TMPRSS15: variants seen among roughly 807,000 people sequenced by gnomAD.
TMPRSS15 encodes the protein transmembrane serine protease 15, also known as enteropeptidase.
TMPRSS15 carries 128 observed loss-of-function variants against 125.3 expected under a neutral mutation model. The ratio of observed to expected loss-of-function variants is 1.02; its 90% confidence interval spans 0.89 to 1.18. The LOEUF (loss-of-function observed/expected upper bound fraction) is 1.18. Among genes scored for constraint, TMPRSS15 ranks in the 50% most tolerant of loss-of-function variants. TMPRSS15 has a pLI of 0.00. For missense variants in TMPRSS15, 1,283 were observed against 1,212.7 expected (o/e 1.06, Z -0.86); for synonymous variants, 446 against 423.2 (o/e 1.05, Z -0.66).
intron 21 of TMPRSS15, among the ~76,000 whole-genome samples, chr21:18,287,685 T>C (rs975251434): frequency 6.6e-6 from 1 of 152,184 alleles, no homozygotes; most frequent in African/African-American, 2.4e-5. Flanking sequence ...GATTGCACGA[T>C]ATAGGTCAAG....
chr21:18,355,890 A>G (rs1215333279), intron 8 of TMPRSS15, among the ~76,000 whole-genome samples: 1 of 151,838 alleles, frequency 6.6e-6, no homozygotes, highest in East Asian at 1.9e-4. Flanking sequence ...TTTAATCAAT[A>G]TTTGAGGGCA....
chr21:18,445,330 A>G (rs188819860), intron 1 of TMPRSS15, among the ~76,000 whole-genome samples: 367 of 151,544 alleles, frequency 2.4e-3, no homozygotes, highest in African/African-American at 8.6e-3. Flanking sequence ...ACAGTCATGC[A>G]CCACCACTCC....
At chr21:18,461,305 T>C (rs2122952491) in intron 1 of TMPRSS15, among the ~76,000 whole-genome samples, 2 of 152,284 alleles carry the variant, frequency 1.3e-5, no homozygotes, top group South Asian at 4.1e-4. Flanking sequence ...AAACCCTTAA[T>C]TTTAGTCACT....
intron 23 of TMPRSS15, among the ~76,000 whole-genome samples, chr21:18,277,127 C>G (rs562063508): frequency 2.0e-5 from 3 of 152,078 alleles, no homozygotes; most frequent in African/African-American, 7.2e-5. Context: ...TCATAAACTA[C>G]GTGAAACTTA....
chr21:18,474,930 G>C (rs1978849544), intron 1 of TMPRSS15, among the ~76,000 whole-genome samples: 1 of 152,110 alleles, frequency 6.6e-6, no homozygotes, highest in Admixed American at 6.6e-5. Context: ...GAATTTATCA[G>C]CCTCCCCACA....
At chr21:18,337,494 G>T (rs1462312040) in intron 13 of TMPRSS15, among the ~76,000 whole-genome samples, 1 of 152,128 alleles carries the variant, frequency 6.6e-6, no homozygotes, top group Admixed American at 6.5e-5. Flanking sequence ...CTCTTAAAGT[G>T]TACTCAGCGC....
rs2075445118 is a variant in TMPRSS15 at position 18,341,470 on chromosome 21, T to G, written c.1507A>C (p.Asn503His). Residue 503 changes from asparagine to histidine, a missense_variant, in exon 13 of 25, where the codon AAT becomes CAT. Transcript: ENST00000284885. ...DDISLTYGICNGSLYPEPTLV... is the reference protein window; with the variant it reads ...DDISLTYGICHGSLYPEPTLV... ...GTTGGTTCTGGATAAAGACTCCCAT[T>G]GCAAATCCCATATGTTAGGCTAATG... 6.2e-7 allele frequency: 1 copy of G among 1,614,040 alleles called. No homozygotes were observed. Among genetic ancestry groups the G allele is most frequent in the African/African-American group, 1.3e-5 (1 of 74,910 alleles).
At chr21:18,295,193 A>C (rs868848492) in intron 19 of TMPRSS15, among the ~76,000 whole-genome samples, 1 of 152,236 alleles carries the variant, frequency 6.6e-6, no homozygotes, top group Non-Finnish European at 1.5e-5. Flanking sequence ...CAAGGAAGGC[A>C]GACACGTAAG....
At chr21:18,436,119 GTC>G (rs1322396869) in intron 1 of TMPRSS15, among the ~76,000 whole-genome samples, 1 of 151,212 alleles carries the variant, frequency 6.6e-6, no homozygotes, top group East Asian at 1.9e-4. Flanking sequence ...GGTTTTTTGT[GTC>G]TCTATTTCCT....
chr21:18,332,158 G>C lies in TMPRSS15; in HGVS notation c.1580C>G (p.Pro527Arg), dbSNP rs776466028. 1.3e-5 allele frequency: 21 copies of C among 1,613,952 alleles called. No homozygotes were observed. Among genetic ancestry groups the C allele is most frequent in the Non-Finnish European group, 1.5e-5 (18 of 1,179,936 alleles). ...TGTATTTGGCTCCCACAGCTCAAAA[G>C]GTCCTCCACAGTCCGCTGAAAAGGA... is the stretch of plus-strand genomic sequence containing the variant. ...PPELPTDCGGPFELWEPNTTF... is the reference protein window; with the variant it reads ...PPELPTDCGGRFELWEPNTTF... The change falls in exon 14 of 25, where the codon CCT (proline) becomes CGT (arginine). Residue 527 changes from proline to arginine, a missense_variant. Physicochemically the swap from Pro to Arg is moderately radical, Grantham distance 103. Coordinates refer to ENST00000284885, the MANE Select transcript of TMPRSS15 (RefSeq NM_002772.3).
intron 1 of TMPRSS15, among the ~76,000 whole-genome samples, chr21:18,438,303 A>C: frequency 7.9e-6 from 1 of 125,822 alleles, no homozygotes; most frequent in East Asian, 2.6e-4. Flanking sequence ...AGGAAGGGGA[A>C]CATCACACTC....
At chr21:18,276,011 C>A (rs199827227) in intron 23 of TMPRSS15, among the ~76,000 whole-genome samples, 3 of 152,184 alleles carry the variant, frequency 2.0e-5, no homozygotes, top group East Asian at 3.8e-4. Context: ...TCTAGTGCCC[C>A]AGAAAAGGTA....
chr21:18,312,702 AAC>A (rs1386392415), intron 18 of TMPRSS15, among the ~76,000 whole-genome samples: 1 of 151,934 alleles, frequency 6.6e-6, no homozygotes, highest in Non-Finnish European at 1.5e-5. Context: ...TATTTTGTAT[AAC>A]AGAGTATATT....
chr21:18,298,871 T>G (rs1005646359), intron 18 of TMPRSS15, among the ~76,000 whole-genome samples: 1 of 152,220 alleles, frequency 6.6e-6, no homozygotes, highest in Non-Finnish European at 1.5e-5. Context: ...CCAAGTAACA[T>G]TCAAAGCTTT....
intron 21 of TMPRSS15, among the ~76,000 whole-genome samples, chr21:18,287,395 C>T (rs1443292495): frequency 6.6e-6 from 1 of 152,068 alleles, no homozygotes; most frequent in African/African-American, 2.4e-5. Flanking sequence ...CCCACCCCAC[C>T]CAGCTCTTTT....
chr21:18,410,933 T>C (rs939039502), intron 1 of TMPRSS15, among the ~76,000 whole-genome samples: 16 of 152,162 alleles, frequency 1.1e-4, no homozygotes, highest in African/African-American at 3.1e-4. Context: ...CCTCACTGGC[T>C]CTAAGATTGT....
chr21:18,479,675 A>T (rs1262600302), intron 1 of TMPRSS15, among the ~76,000 whole-genome samples: 2 of 152,148 alleles, frequency 1.3e-5, no homozygotes, highest in Non-Finnish European at 2.9e-5. Flanking sequence ...ATGCAAATCA[A>T]AACCACAATG....
chr21:18,321,785 T>C (rs1418211621), intron 16 of TMPRSS15, among the ~76,000 whole-genome samples: 2 of 152,200 alleles, frequency 1.3e-5, no homozygotes, highest in East Asian at 3.9e-4. Flanking sequence ...GTTTCTGTAA[T>C]TGCTTTTCAG....
intron 6 of TMPRSS15, among the ~76,000 whole-genome samples, chr21:18,365,680 T>TTCCTTCCTTCCC (rs2075727582): frequency 7.2e-6 from 1 of 138,924 alleles, no homozygotes; most frequent in Non-Finnish European, 1.6e-5. Flanking sequence ...CCTTCCTTCC[T>TTCCTTCCTTCCC]TCCTTCCTTC....
Sources: allele counts gnomAD v4.1 joint callset (sites outside exome capture counted in the v4.1 genomes callset), GRCh38; gene constraint gnomAD v4.1.1; transcripts MANE v1.5; gene names NCBI Gene and HGNC (gene_info 2026-07-23, HGNC 2026-07-21).